Variants in ATP9A observed in about 807,000 individuals in gnomAD.
ATP9A encodes the protein probable phospholipid-transporting ATPase IIA.
Under a neutral mutation model 144.1 loss-of-function variants are expected in ATP9A, and 52 were observed. The observed-to-expected ratio is 0.36, with a 90% CI of 0.29 to 0.45. The LOEUF is 0.45. Among genes scored for constraint, ATP9A ranks in the 20% least tolerant of loss-of-function variants. ATP9A has a pLI of 1.00. For synonymous variants in ATP9A, 582 were observed against 557.4 expected (o/e 1.04, Z -0.62); for missense variants, 947 against 1,392.7 (o/e 0.68, Z 5.09).
intron 4 of ATP9A, among the ~76,000 whole-genome samples, chr20:51,702,320 T>C (rs2077597029): frequency 6.7e-6 from 1 of 150,152 alleles, no homozygotes; most frequent in Non-Finnish European, 1.5e-5. Flanking sequence ...ATTAAATATC[T>C]ATAGATACAT....
rs1401398154 is a variant in ATP9A, at chr20:51,599,251, G to C, written c.*1960C>G. 2.0e-5 allele frequency: 3 copies of C among 152,216 alleles called. No homozygotes were observed. In the East Asian group the frequency reaches 5.8e-4, roughly 29 times the overall value. The allele number at this position is 152,216 out of a possible 1,614,324, so 9.4% of individuals were successfully genotyped here. A position where few individuals can be genotyped will look rare whatever the true frequency, so the allele number is the denominator to read the frequency against. ...TATCTTAAGACTTCCCAGCGTTACA[G>C]AGCCAGGTTCAGCATCTGCAAAGTC... On this transcript the variant is annotated 3_prime_UTR_variant, in exon 28 of 28. Transcript: ENST00000338821.
intron 5 of ATP9A, 71 bp from the exon 6 acceptor site, chr20:51,696,215 C>T: frequency 1.4e-6 from 2 of 1,409,136 alleles, no homozygotes; most frequent in South Asian, 2.4e-5. Flanking sequence ...AGGGGGGCTT[C>T]CGCCCCCACC....
chr20:51,617,576 G>C (rs773820179), intron 21 of ATP9A, 22 bp from the exon 22 acceptor site: 1 of 1,607,886 alleles, frequency 6.2e-7, no homozygotes, highest in Non-Finnish European at 8.5e-7. Context: ...ACAGACCAGA[G>C]AGAAAAGATG....
rs748987038 is a variant in ATP9A, at chr20:51,723,623, T to G, written c.327+2196A>C. 4.1e-3 allele frequency among the ~76,000 whole-genome samples: 608 copies of G among 147,046 alleles called. 2 individuals carry two copies. The highest frequency in any genetic ancestry group is 6.5e-3 in the Non-Finnish European group (437 of 67,186). On this transcript the variant is annotated intron_variant, in intron 3 of 27. Transcript: ENST00000338821. Reference sequence around the variant, plus strand: ...CTCTGTTGACCAGGCTGGAGTACAGTGGCGCTCACTGCCACCTCCGCCTCC... The same window carrying G: ...CTCTGTTGACCAGGCTGGAGTACAGGGGCGCTCACTGCCACCTCCGCCTCC...
At chr20:51,717,944 C>T (rs138836490) in intron 3 of ATP9A, among the ~76,000 whole-genome samples, 1,713 of 149,020 alleles carry the variant, frequency 0.011, 38 homozygotes, top group African/African-American at 0.04. Context: ...ACAGAGACTC[C>T]GTCTCAAAAA....
At chr20:51,709,390 C>T (rs912905165) in intron 4 of ATP9A, among the ~76,000 whole-genome samples, 6 of 152,082 alleles carry the variant, frequency 3.9e-5, no homozygotes, top group Admixed American at 6.6e-5. Context: ...TGGTGCACAC[C>T]TGTAATCCCA....
intron 14 of ATP9A, among the ~76,000 whole-genome samples, chr20:51,654,603 T>C (rs1199153642): frequency 4.6e-5 from 7 of 152,044 alleles, no homozygotes; most frequent in East Asian, 1.9e-4. Context: ...CACACGCCTG[T>C]AGTCCTGACT....
chr20:51,639,261 A>G (rs946786897), intron 15 of ATP9A, 82 bp downstream of exon 15: 49 of 1,404,238 alleles, frequency 3.5e-5, no homozygotes, highest in Non-Finnish European at 4.3e-5. Flanking sequence ...AAAGAGGGTT[A>G]GAAAGAATGT....
chr20:51,767,626 T>C (rs964316981), intron 1 of ATP9A, among the ~76,000 whole-genome samples: 5 of 152,176 alleles, frequency 3.3e-5, no homozygotes, highest in African/African-American at 1.2e-4. Context: ...TGGCAGCCCC[T>C]GTCCCAGCCG....
At chr20:51,725,686 A>T in intron 3 of ATP9A, 133 bp downstream of exon 3, 1 of 628,806 alleles carries the variant, frequency 1.6e-6, no homozygotes, top group Non-Finnish European at 2.9e-6. Flanking sequence ...AGAGACTCCC[A>T]ATGTATTGGC....
chr20:51,602,773 A>G (rs1282266061), intron 27 of ATP9A, among the ~76,000 whole-genome samples: 1 of 152,110 alleles, frequency 6.6e-6, no homozygotes, highest in Non-Finnish European at 1.5e-5. Flanking sequence ...TTTTGTTGTT[A>G]TTGCCCCTTA....
At chr20:51,670,699 C>A (rs1601094490) in intron 12 of ATP9A, among the ~76,000 whole-genome samples, 1 of 152,312 alleles carries the variant, frequency 6.6e-6, no homozygotes, top group East Asian at 1.9e-4. Flanking sequence ...ACTCTGATAG[C>A]CTAATGCCTG....
At chr20:51,666,680 A>T (rs201775433) in intron 13 of ATP9A, among the ~76,000 whole-genome samples, 33 of 59,094 alleles carry the variant, frequency 5.6e-4, no homozygotes, top group African/African-American at 3.9e-3. Context: ...ACTGTGTCTT[A>T]AAAAAAAAAA....
chr20:51,767,032 G>A (rs1219895577), intron 1 of ATP9A, among the ~76,000 whole-genome samples: 2 of 150,992 alleles, frequency 1.3e-5, no homozygotes, highest in Non-Finnish European at 2.9e-5. Context: ...GATTCAGGAA[G>A]CCAGGGACAA....
At position 51,641,613 on chromosome 20, in the gene ATP9A, G is replaced by A. The variant is rs185601008; in HGVS notation, c.1507-2109C>T. ...GTGGATCACCTGAGGTCAGGAGTTC[G>A]AGACCAGCCTGGCCAACATAGTGAA... On this transcript the variant is annotated intron_variant, in intron 14 of 27. Coordinates refer to ENST00000338821, the MANE Select transcript of ATP9A (RefSeq NM_006045.3). 2.2e-3 allele frequency among the ~76,000 whole-genome samples: 336 copies of A among 151,394 alleles called. 3 individuals are homozygous for A. Among genetic ancestry groups the A allele is most frequent in the African/African-American group, 7.3e-3 (302 of 41,282 alleles).
Position 51,718,600 on chromosome 20 carries a change from A to G in ATP9A, c.328-5526T>C, listed in dbSNP as rs1363758251. Among the ~76,000 whole-genome samples the G allele has an allele frequency of 2.0e-5, 3 of 148,818 alleles. No individual in the cohort carries two copies. In the East Asian group the frequency reaches 6.0e-4, roughly 30 times the overall value. On this transcript the variant is annotated intron_variant, in intron 3 of 27. Coordinates refer to ENST00000338821, the MANE Select transcript of ATP9A (RefSeq NM_006045.3). The stretch of plus-strand genomic sequence containing the variant: ...TGGGAGGCCAAGGTGGGCGGATCAC[A>G]TGAGGCCAGGAGTTCGAGACCAGCC...
chr20:51,710,160 G>A (rs1164298430), intron 4 of ATP9A, among the ~76,000 whole-genome samples: 1 of 152,152 alleles, frequency 6.6e-6, no homozygotes, highest in African/African-American at 2.4e-5. Flanking sequence ...AAAATTAGCT[G>A]GGTGTAGTGG....
At chr20:51,752,325 C>G (rs926852623) in intron 1 of ATP9A, among the ~76,000 whole-genome samples, 11 of 152,276 alleles carry the variant, frequency 7.2e-5, no homozygotes, top group African/African-American at 2.6e-4. Context: ...ATGCTGGCAC[C>G]CAAGACACCA....
At chr20:51,697,537 A>T (rs2077575780) in intron 4 of ATP9A, 55 bp from the exon 5 acceptor site, 1 of 1,553,828 alleles carries the variant, frequency 6.4e-7, no homozygotes, top group Admixed American at 1.7e-5. Context: ...TCAATTCAAC[A>T]CGTCTTTACA....
Sources: gnomAD v4.1 joint callset for allele counts (sites outside exome capture counted in the v4.1 genomes callset) on GRCh38, gnomAD v4.1.1 for gene constraint, MANE v1.5 for transcripts, NCBI Gene and HGNC (gene_info 2026-07-23, HGNC 2026-07-21) for gene names.